CHMP2B: variants seen among roughly 807,000 people sequenced by gnomAD.
CHMP2B encodes VPS2 homolog B.
A neutral mutation model predicts 29.8 loss-of-function variants in CHMP2B; 22 were observed. The ratio of observed to expected loss-of-function variants is 0.74; its 90% CI spans 0.53 to 1.05. The LOEUF (loss-of-function observed/expected upper bound fraction) is 1.05. CHMP2B is among the 50% of genes least tolerant of loss of function. CHMP2B has a pLI of 0.00. For synonymous variants in CHMP2B, 78 were observed against 75.8 expected (o/e 1.03, Z -0.15); for missense variants, 261 against 252.2 (o/e 1.03, Z -0.24).
At chr3:87,228,186 A>G (rs1037271633) in intron 1 of CHMP2B, among the ~76,000 whole-genome samples, 1 of 152,206 alleles carries the variant, frequency 6.6e-6, no homozygotes, top group Admixed American at 6.5e-5. Context: ...GAGATGGGGT[A>G]TATATTGTCT....
intron 3 of CHMP2B, among the ~76,000 whole-genome samples, chr3:87,246,195 T>C (rs886655418): frequency 1.3e-5 from 2 of 152,006 alleles, no homozygotes; most frequent in Admixed American, 1.3e-4. Context: ...TGGAGTGCAG[T>C]GGCAAGATTT....
intron 1 of CHMP2B, among the ~76,000 whole-genome samples, chr3:87,236,692 A>ATTTT (rs1241404212): frequency 2.6e-5 from 4 of 152,022 alleles, no homozygotes; most frequent in Admixed American, 2.0e-4. Flanking sequence ...TCTCTACTAA[A>ATTTT]AATACCTAAA....
Position 87,227,540 on chromosome 3 carries a change from G to A in CHMP2B, c.18G>A (p.Lys6=). 1.2e-6 allele frequency: 2 copies of A among 1,614,152 alleles called. No individual in the cohort carries two copies. Among genetic ancestry groups the A allele is most frequent in the South Asian group, 1.1e-5 (1 of 91,072 alleles). ...CTTTAACCATGGCGTCCCTCTTCAA[G>A]AAGAAAACCGTGGATGGTGAGTTCC... MASLF[K]KKTVDDVIKE... The change falls in exon 1 of 6, where the codon AAG becomes AAA. Residue 6 remains lysine, a synonymous_variant. Transcript: ENST00000263780.
At chr3:87,249,515 A>C (rs1706276095) in intron 3 of CHMP2B, among the ~76,000 whole-genome samples, 1 of 152,148 alleles carries the variant, frequency 6.6e-6, no homozygotes, top group Middle Eastern at 3.4e-3. Flanking sequence ...GAAAGTTTTT[A>C]TAAAAATTAA....
chr3:87,229,082 A>T (rs911503788), intron 1 of CHMP2B, among the ~76,000 whole-genome samples: 1 of 151,352 alleles, frequency 6.6e-6, no homozygotes, highest in Admixed American at 6.6e-5. Flanking sequence ...ATTAGAGTTA[A>T]TTTTTTTTTA....
In CHMP2B at chr3:87,238,014, A is replaced by T. The variant is rs184561508; in HGVS notation, c.35-2685A>T. On this transcript the variant is annotated intron_variant, in intron 1 of 5. Coordinates refer to ENST00000263780, the MANE Select transcript of CHMP2B (RefSeq NM_014043.4). ...CCACCAGTATAAAATTGAGAAACAG[A>T]ATAGGCAAAGGAGATACGATAGATG... 1.9e-3 allele frequency among the ~76,000 whole-genome samples: 292 copies of T among 152,304 alleles called. 5 individuals carry two copies. Among genetic ancestry groups the T allele is most frequent in the African/African-American group, 6.6e-3 (273 of 41,568 alleles).
chr3:87,240,694 C>T lies in CHMP2B; in HGVS notation c.35-5C>T. ...AAATTTAGGTTTCTTTTGTGATTCTCCTAGATGTAATAAAGGAACAGAATC... is the reference window on the plus strand; with the variant it reads ...AAATTTAGGTTTCTTTTGTGATTCTTCTAGATGTAATAAAGGAACAGAATC... On this transcript the variant is annotated splice_polypyrimidine_tract_variant and splice_region_variant and intron_variant, in intron 1 of 5. Transcript: ENST00000263780. 1.9e-6 allele frequency: 3 copies of T among 1,594,766 alleles called. No homozygotes were observed. The highest frequency in any genetic ancestry group is 2.6e-6 in the Non-Finnish European group (3 of 1,162,572).
chr3:87,238,735 G>A (rs1027705332), intron 1 of CHMP2B, among the ~76,000 whole-genome samples: 4 of 151,894 alleles, frequency 2.6e-5, no homozygotes, highest in Non-Finnish European at 5.9e-5. Flanking sequence ...CCACCTTTTG[G>A]CTAATGTTAC....
intron 4 of CHMP2B, among the ~76,000 whole-genome samples, chr3:87,251,846 A>AT (rs11372394): frequency 0.14 from 19,676 of 145,382 alleles, 1,347 homozygotes; most frequent in South Asian, 0.21. Flanking sequence ...TACTTCATTC[A>AT]TTTTTTTTTT....
intron 3 of CHMP2B, among the ~76,000 whole-genome samples, chr3:87,247,802 G>A (rs1416356637): frequency 6.6e-6 from 1 of 152,194 alleles, no homozygotes; most frequent in Non-Finnish European, 1.5e-5. Flanking sequence ...TGATCGCAGA[G>A]TAGGTTGATT....
intron 1 of CHMP2B, among the ~76,000 whole-genome samples, chr3:87,239,258 A>AT (rs1267795591): frequency 1.3e-5 from 2 of 151,376 alleles, no homozygotes; most frequent in East Asian, 3.9e-4. Context: ...AATGCATAAA[A>AT]TTTTTAATTT....
chr3:87,234,687 C>T (rs1477355193), intron 1 of CHMP2B, among the ~76,000 whole-genome samples: 1 of 152,230 alleles, frequency 6.6e-6, no homozygotes, highest in East Asian at 1.9e-4. Flanking sequence ...TGAAACAAAC[C>T]ACAAGGTAGA....
chr3:87,240,828 C>G, intron 2 of CHMP2B, 38 bp downstream of exon 2: 1 of 1,503,802 alleles, frequency 6.6e-7, no homozygotes, highest in East Asian at 2.3e-5. Context: ...ACTTTTCAAA[C>G]AAATTTGGAA....
chr3:87,228,924 C>T (rs1221296784), intron 1 of CHMP2B, among the ~76,000 whole-genome samples: 2 of 151,378 alleles, frequency 1.3e-5, no homozygotes, highest in Non-Finnish European at 2.9e-5. Context: ...TTTTACAGTA[C>T]TCCAGGGAGT....
intron 1 of CHMP2B, among the ~76,000 whole-genome samples, chr3:87,229,752 CAT>C (rs1268024867): frequency 6.6e-6 from 1 of 152,026 alleles, no homozygotes; most frequent in Non-Finnish European, 1.5e-5. Context: ...ATAAGGGAAA[CAT>C]GTACCTGCCT....
intron 3 of CHMP2B, among the ~76,000 whole-genome samples, chr3:87,248,718 A>G (rs1706260857): frequency 6.6e-6 from 1 of 151,344 alleles, no homozygotes; most frequent in Non-Finnish European, 1.5e-5. Context: ...GCTAAATTTA[A>G]CAGCACTGGA....
intron 1 of CHMP2B, among the ~76,000 whole-genome samples, chr3:87,236,115 T>A (rs1314549566): frequency 6.6e-6 from 1 of 152,122 alleles, no homozygotes; most frequent in Non-Finnish European, 1.5e-5. Flanking sequence ...GTTCTCTGAA[T>A]CTCTTAGGTA....
chr3:87,231,865 G>T (rs920599152), intron 1 of CHMP2B, among the ~76,000 whole-genome samples: 1 of 151,922 alleles, frequency 6.6e-6, no homozygotes, highest in Non-Finnish European at 1.5e-5. Flanking sequence ...CCCTTTTGTG[G>T]CATTTCTTTC....
intron 1 of CHMP2B, among the ~76,000 whole-genome samples, chr3:87,235,720 A>T (rs1705995142): frequency 6.6e-6 from 1 of 152,186 alleles, no homozygotes; most frequent in Non-Finnish European, 1.5e-5. Context: ...ATTCTCAGAC[A>T]CCTATTGGGT....
Sources: gnomAD v4.1 joint callset for allele counts (sites outside exome capture counted in the v4.1 genomes callset) on GRCh38, gnomAD v4.1.1 for gene constraint, MANE v1.5 for transcripts, NCBI Gene and HGNC (gene_info 2026-07-23, HGNC 2026-07-21) for gene names.